Variants in LINGO2 observed in about 807,000 individuals in gnomAD.
LINGO2 encodes the protein leucine rich repeat and Ig domain containing 2, also known as leucine-rich repeat and immunoglobulin-like domain-containing nogo receptor-interacting protein 2.
In LINGO2, 14 loss-of-function variants were observed where a neutral mutation model predicts 30.6. That is an observed-to-expected ratio of 0.46 (90% CI 0.30 to 0.72). The LOEUF (loss-of-function observed/expected upper bound fraction) is 0.72, where lower values mean the gene tolerates loss of function less well. Among genes scored for constraint, LINGO2 ranks in the 30% least tolerant of loss-of-function variants. The probability of loss-of-function intolerance (pLI) is 0.07; values close to 1 mark genes in which losing one functional copy is unlikely to be tolerated. For synonymous variants in LINGO2, 317 were observed against 288.5 expected (o/e 1.10, Z -1.00); for missense variants, 729 against 751.7 (o/e 0.97, Z 0.35).
intron 1 of LINGO2, among the ~76,000 whole-genome samples, chr9:28,560,942 C>T (rs967657639): frequency 9.9e-5 from 15 of 151,860 alleles, no homozygotes; most frequent in African/African-American, 3.4e-4. Context: ...CCCAAAGTGC[C>T]GGGATTACAG....
intron 1 of LINGO2, among the ~76,000 whole-genome samples, chr9:28,567,794 AAAATAAATAAAT>A (rs35618477): frequency 4.0e-5 from 6 of 149,904 alleles, no homozygotes; most frequent in East Asian, 2.0e-4. Flanking sequence ...TCCTGAATCT[AAAATAAATAAAT>A]AAATAAATAA....
chr9:28,951,444 T>C, the LINGO2 span, among the ~76,000 whole-genome samples: 2 of 152,112 alleles, frequency 1.3e-5, no homozygotes, highest in African/African-American at 2.4e-5. Flanking sequence ...TTTCCTGTTC[T>C]CTTGCTGTCA....
At chr9:28,281,232 T>A (rs1007558442) in intron 4 of LINGO2, among the ~76,000 whole-genome samples, 9 of 152,082 alleles carry the variant, frequency 5.9e-5, no homozygotes, top group African/African-American at 9.7e-5. Context: ...TTTATTTTTT[T>A]AAAAATTAAT....
the LINGO2 span, among the ~76,000 whole-genome samples, chr9:28,889,638 T>G: frequency 0.041 from 6,247 of 152,182 alleles, 197 homozygotes; most frequent in Admixed American, 0.082. Context: ...TATTAATAAC[T>G]GGAATCTTTT....
At chr9:28,017,673 C>A (rs918138127) in intron 4 of LINGO2, among the ~76,000 whole-genome samples, 1 of 152,020 alleles carries the variant, frequency 6.6e-6, no homozygotes, top group Non-Finnish European at 1.5e-5. Flanking sequence ...AAGATCTCTA[C>A]AAATGAGAAT....
chr9:29,032,475 AGTT>A, the LINGO2 span, among the ~76,000 whole-genome samples: 1 of 152,204 alleles, frequency 6.6e-6, no homozygotes, highest in African/African-American at 2.4e-5. Context: ...TACAGACAAT[AGTT>A]GTCTTCATGA....
At chr9:28,835,059 G>A in the LINGO2 span, among the ~76,000 whole-genome samples, 125 of 152,306 alleles carry the variant, frequency 8.2e-4, no homozygotes, top group Admixed American at 1.7e-3. Flanking sequence ...CAAAGCAAGA[G>A]TAGTTCTGGG....
chr9:28,624,524 G>T (rs1826567651), intron 1 of LINGO2, among the ~76,000 whole-genome samples: 1 of 151,772 alleles, frequency 6.6e-6, no homozygotes, highest in African/African-American at 2.4e-5. Context: ...AATCCCACTT[G>T]GTCATGGTAA....
intron 4 of LINGO2, among the ~76,000 whole-genome samples, chr9:28,048,572 C>A (rs1325300627): frequency 1.3e-5 from 2 of 150,524 alleles, no homozygotes; most frequent in Admixed American, 1.3e-4. Flanking sequence ...ATTGGCATAC[C>A]TCTTTTGGAC....
intron 4 of LINGO2, among the ~76,000 whole-genome samples, chr9:28,064,151 A>G (rs1334536576): frequency 6.6e-6 from 1 of 152,192 alleles, no homozygotes; most frequent in Non-Finnish European, 1.5e-5. Context: ...CAGCAGTGGC[A>G]TAACATCAGA....
At chr9:28,580,763 T>C (rs952649645) in intron 1 of LINGO2, among the ~76,000 whole-genome samples, 10 of 151,916 alleles carry the variant, frequency 6.6e-5, no homozygotes, top group Non-Finnish European at 1.3e-4. Flanking sequence ...AGATCAACTT[T>C]CACCAAGCTC....
At chr9:28,788,254 A>G in the LINGO2 span, among the ~76,000 whole-genome samples, 2 of 152,228 alleles carry the variant, frequency 1.3e-5, no homozygotes, top group Non-Finnish European at 2.9e-5. Context: ...TGCAAATTTT[A>G]AAGCTAAAGT....
chr9:28,295,593 T>G (rs1474067643), intron 3 of LINGO2, among the ~76,000 whole-genome samples: 2 of 152,196 alleles, frequency 1.3e-5, no homozygotes, highest in Admixed American at 6.5e-5. Context: ...GTTATTGATC[T>G]ACTCAAGCCA....
At chr9:28,385,421 G>T (rs1470893156) in intron 2 of LINGO2, among the ~76,000 whole-genome samples, 1 of 152,106 alleles carries the variant, frequency 6.6e-6, no homozygotes, top group African/African-American at 2.4e-5. Context: ...TCACAATCAG[G>T]TGTGTCAGTG....
chr9:29,052,124 A>T, the LINGO2 span, among the ~76,000 whole-genome samples: 3 of 152,202 alleles, frequency 2.0e-5, no homozygotes, highest in African/African-American at 7.2e-5. Flanking sequence ...CCATAAATAA[A>T]TAACAATAGA....
chr9:28,135,719 C>T (rs764053168), intron 4 of LINGO2, among the ~76,000 whole-genome samples: 3 of 152,036 alleles, frequency 2.0e-5, no homozygotes, highest in Non-Finnish European at 4.4e-5. Flanking sequence ...TATTCCCCTT[C>T]AAGCTCAAAC....
chr9:28,384,237 C>T (rs1466150376), intron 2 of LINGO2, among the ~76,000 whole-genome samples: 7 of 150,676 alleles, frequency 4.6e-5, no homozygotes, highest in Non-Finnish European at 1.0e-4. Context: ...TCCTCTATAA[C>T]TCCAAACACA....
At chr9:28,107,260 G>C (rs1045580896) in intron 4 of LINGO2, among the ~76,000 whole-genome samples, 1 of 152,132 alleles carries the variant, frequency 6.6e-6, no homozygotes, top group Non-Finnish European at 1.5e-5. Context: ...AATCATATTT[G>C]TTTTGGTCAA....
chr9:28,120,712 A>G (rs952874193), intron 4 of LINGO2, among the ~76,000 whole-genome samples: 1 of 152,206 alleles, frequency 6.6e-6, no homozygotes, highest in Non-Finnish European at 1.5e-5. Context: ...TAATGAGTGT[A>G]GTTCCTTGTT....
Sources: allele counts gnomAD v4.1 joint callset (sites outside exome capture counted in the v4.1 genomes callset), GRCh38; gene constraint gnomAD v4.1.1; transcripts MANE v1.5; gene names NCBI Gene and HGNC (gene_info 2026-07-23, HGNC 2026-07-21).